Variants in SLC25A13 observed in about 807,000 individuals in gnomAD.
SLC25A13 encodes the protein solute carrier family 25 member 13.
Under a neutral mutation model 85.5 loss-of-function variants are expected in SLC25A13, and 70 were observed. That is an observed-to-expected ratio of 0.82 (90% confidence interval 0.68 to 1.00). The LOEUF (loss-of-function observed/expected upper bound fraction) is 1.00, where lower values mean the gene tolerates loss of function less well. Among genes scored for constraint, SLC25A13 ranks in the 50% least tolerant of loss-of-function variants. The probability of loss-of-function intolerance (pLI) is 0.00; values close to 1 mark genes in which losing one functional copy is unlikely to be tolerated. For synonymous variants in SLC25A13, 259 were observed against 288.7 expected, an observed-to-expected ratio of 0.90 and a Z score of 1.04; for missense variants, 765 against 819.8, an observed-to-expected ratio of 0.93 and a Z score of 0.82.
At chr7:96,319,235 C>T (rs778550462) in intron 1 of SLC25A13, among the ~76,000 whole-genome samples, 3 of 152,046 alleles carry the variant, frequency 2.0e-5, no homozygotes, top group Admixed American at 1.3e-4. Flanking sequence ...ATTCAAATGC[C>T]GTTCACTCAC....
At chr7:96,272,571 T>C (rs1798284897) in intron 3 of SLC25A13, among the ~76,000 whole-genome samples, 1 of 152,070 alleles carries the variant, frequency 6.6e-6, no homozygotes. Flanking sequence ...CGGTCCAAGG[T>C]GAGCCTGGAA....
At chr7:96,234,735 A>G in intron 4 of SLC25A13, 67 bp downstream of exon 4, 1 of 1,265,726 alleles carries the variant, frequency 7.9e-7, no homozygotes, top group South Asian at 1.3e-5. Flanking sequence ...GTTCCTAGAA[A>G]AAAAAAAAAG....
intron 3 of SLC25A13, among the ~76,000 whole-genome samples, chr7:96,257,178 C>G (rs1041270543): frequency 6.6e-6 from 1 of 152,006 alleles, no homozygotes; most frequent in South Asian, 2.1e-4. Context: ...CAAACACATT[C>G]GAAAGCTAGC....
chr7:96,166,226 C>T (rs1260171626), intron 13 of SLC25A13, among the ~76,000 whole-genome samples: 8 of 152,198 alleles, frequency 5.3e-5, no homozygotes, highest in East Asian at 1.9e-4. Flanking sequence ...TGCACACTCA[C>T]GCACACACAT....
chr7:96,178,777 C>G (rs1046550023), intron 11 of SLC25A13, among the ~76,000 whole-genome samples: 2 of 152,140 alleles, frequency 1.3e-5, no homozygotes, highest in Non-Finnish European at 2.9e-5. Flanking sequence ...TTCTTTCCTC[C>G]CTCCTCCTCC....
chr7:96,224,200 T>C lies in SLC25A13; in HGVS notation c.328+10602A>G, dbSNP rs538156524. 4.5e-4 allele frequency among the ~76,000 whole-genome samples: 68 copies of C among 152,232 alleles called. No homozygotes were observed. In the South Asian group the frequency reaches 4.8e-3, roughly 11 times the overall value. On this transcript the variant is annotated intron_variant, in intron 4 of 17. Transcript: ENST00000265631. ...GGGGTGACTATACGCTGGCTTCACA[T>C]AGATACTGTGAAGCCTAAATAATGA... is the stretch of plus-strand genomic sequence containing the variant.
intron 3 of SLC25A13, among the ~76,000 whole-genome samples, chr7:96,269,748 G>A (rs1798162030): frequency 6.6e-6 from 1 of 152,200 alleles, no homozygotes; most frequent in Non-Finnish European, 1.5e-5. Flanking sequence ...AAGAAAATGT[G>A]ATACATGCAC....
At chr7:96,134,810 T>TATATATATATATATATATATATATAA (rs1345941396) in intron 14 of SLC25A13, among the ~76,000 whole-genome samples, 2 of 146,302 alleles carry the variant, frequency 1.4e-5, no homozygotes, top group Admixed American at 1.4e-4. Context: ...TATATATATA[T>TATATATATATATATATATATATATAA]ATAACCCTGA....
intron 14 of SLC25A13, among the ~76,000 whole-genome samples, chr7:96,142,261 CCCTTTCCT>C (rs1341975380): frequency 6.6e-6 from 1 of 152,074 alleles, no homozygotes; most frequent in Non-Finnish European, 1.5e-5. Context: ...AGCTTTTCAG[CCCTTTCCT>C]CCTTTCCTCT....
intron 3 of SLC25A13, among the ~76,000 whole-genome samples, chr7:96,274,046 TAAG>T (rs1424167083): frequency 6.6e-6 from 1 of 152,150 alleles, no homozygotes; most frequent in Non-Finnish European, 1.5e-5. Context: ...AAAACAAAGG[TAAG>T]AAGGTTAAAA....
At chr7:96,258,590 C>G in intron 3 of SLC25A13, among the ~76,000 whole-genome samples, 1 of 152,196 alleles carries the variant, frequency 6.6e-6, no homozygotes, top group Admixed American at 6.5e-5. Flanking sequence ...GAAAAACATT[C>G]CATGCCCATG....
At chr7:96,191,546 A>G (rs1462618173) in intron 6 of SLC25A13, among the ~76,000 whole-genome samples, 1 of 152,210 alleles carries the variant, frequency 6.6e-6, no homozygotes, top group Non-Finnish European at 1.5e-5. Flanking sequence ...TCAATTGGAA[A>G]TGTTTTATAA....
At chr7:96,184,773 C>A (rs1435469246) in intron 10 of SLC25A13, among the ~76,000 whole-genome samples, 154 bp downstream of exon 10, 1 of 152,186 alleles carries the variant, frequency 6.6e-6, no homozygotes, top group Non-Finnish European at 1.5e-5. Context: ...AAAAGAGTTC[C>A]CTTTACTCTT....
chr7:96,186,250 A>G (rs1268058785), intron 9 of SLC25A13, among the ~76,000 whole-genome samples: 1 of 151,996 alleles, frequency 6.6e-6, no homozygotes, highest in Non-Finnish European at 1.5e-5. Flanking sequence ...ACCACCATGG[A>G]GAAACCCCGT....
At chr7:96,235,815 G>C (rs886440488) in intron 3 of SLC25A13, among the ~76,000 whole-genome samples, 1 of 152,164 alleles carries the variant, frequency 6.6e-6, no homozygotes, top group Non-Finnish European at 1.5e-5. Flanking sequence ...TTAACTTTCC[G>C]AAGGTCAAAA....
intron 11 of SLC25A13, among the ~76,000 whole-genome samples, chr7:96,183,198 C>T (rs183736018): frequency 2.4e-4 from 36 of 152,276 alleles, no homozygotes; most frequent in Middle Eastern, 3.4e-3. Flanking sequence ...ATGGGGGCTA[C>T]CTACCTACAC....
intron 9 of SLC25A13, among the ~76,000 whole-genome samples, chr7:96,185,831 T>G (rs1372003353): frequency 3.5e-5 from 5 of 144,592 alleles, no homozygotes; most frequent in Non-Finnish European, 1.5e-5. Context: ...ACCCGTGAGG[T>G]GAAGCTTGCA....
intron 6 of SLC25A13, 66 bp from the exon 7 acceptor site, chr7:96,191,313 C>T (rs1285651107): frequency 2.0e-6 from 3 of 1,527,934 alleles, no homozygotes; most frequent in South Asian, 1.1e-5. Context: ...TTCAGAAGTA[C>T]ATACATCTAA....
chr7:96,164,584 G>A (rs993469782), intron 13 of SLC25A13, among the ~76,000 whole-genome samples: 2 of 152,114 alleles, frequency 1.3e-5, no homozygotes, highest in African/African-American at 4.8e-5. Context: ...ATTCACATCT[G>A]GCAGGTGAAG....
Sources: gnomAD v4.1 joint callset for allele counts (sites outside exome capture counted in the v4.1 genomes callset) on GRCh38, gnomAD v4.1.1 for gene constraint, MANE v1.5 for transcripts, NCBI Gene and HGNC (gene_info 2026-07-23, HGNC 2026-07-21) for gene names.